The following CNBD1 variants were observed in gnomAD, a reference collection of about 807,000 sequenced individuals.
The protein encoded by CNBD1 is cyclic nucleotide binding domain containing 1, also known as cyclic nucleotide-binding domain-containing protein 1.
A neutral mutation model predicts 54.4 loss-of-function variants in CNBD1; 71 were observed. The observed-to-expected ratio is 1.30, with a 90% CI of 1.08 to 1.59. CNBD1 has a LOEUF of 1.59. Among genes scored for constraint, CNBD1 ranks in the 40% most tolerant of loss-of-function variants. The pLI is 0.00. For missense variants in CNBD1, 659 were observed against 518.0 expected (o/e 1.27, Z -2.64); for synonymous variants, 182 against 170.7 (o/e 1.07, Z -0.51).
At chr8:87,288,374 G>A (rs1808733443) in intron 8 of CNBD1, among the ~76,000 whole-genome samples, 1 of 151,798 alleles carries the variant, frequency 6.6e-6, no homozygotes, top group Non-Finnish European at 1.5e-5. Flanking sequence ...TCTCTTCCAT[G>A]CTTTTAATAA....
At chr8:87,049,113 T>A (rs1386191463) in intron 4 of CNBD1, among the ~76,000 whole-genome samples, 1 of 152,224 alleles carries the variant, frequency 6.6e-6, no homozygotes, top group Non-Finnish European at 1.5e-5. Context: ...CCCTCCCAGA[T>A]TACAGGGGTC....
chr8:87,263,344 T>A (rs1235768256), intron 6 of CNBD1, among the ~76,000 whole-genome samples: 2 of 152,166 alleles, frequency 1.3e-5, no homozygotes, highest in African/African-American at 4.8e-5. Flanking sequence ...TTTAAATGAA[T>A]TGTTTTTGCC....
chr8:87,416,042 AG>A (rs1469723892), intron 2 of CNBD1, among the ~76,000 whole-genome samples: 8 of 151,872 alleles, frequency 5.3e-5, no homozygotes, highest in African/African-American at 1.9e-4. Context: ...GGCGGAAAAA[AG>A]CTTTACTATA....
intron 8 of CNBD1, among the ~76,000 whole-genome samples, chr8:87,350,900 A>G (rs1040158878): frequency 1.3e-5 from 2 of 152,156 alleles, no homozygotes; most frequent in African/African-American, 4.8e-5. Flanking sequence ...GTTGATAGTT[A>G]CAAAGTTATA....
chr8:87,002,757 C>T (rs529383654), intron 4 of CNBD1, among the ~76,000 whole-genome samples: 1 of 151,980 alleles, frequency 6.6e-6, no homozygotes, highest in Non-Finnish European at 1.5e-5. Flanking sequence ...TTCCTTATCA[C>T]TTATTACTAA....
rs548419835 is a variant in CNBD1 at position 87,365,070 on chromosome 8, T to G, written c.1303+11284T>G. Reference sequence around the variant, plus strand: ...TTAGGTCTTTGAGGGGTTGCCACACTGCTTTCTATAATGGTTGAACCTAAT... The same window carrying G: ...TTAGGTCTTTGAGGGGTTGCCACACGGCTTTCTATAATGGTTGAACCTAAT... On this transcript the variant is annotated intron_variant, in intron 10 of 10. Transcript: ENST00000518476. 2.6e-4 allele frequency among the ~76,000 whole-genome samples: 39 copies of G among 152,218 alleles called. No individual in the cohort carries two copies. In the Middle Eastern group the frequency reaches 0.014, roughly 53 times the overall value.
At position 87,326,452 on chromosome 8, in the gene CNBD1, A is replaced by G. The variant is rs866139767; in HGVS notation, c.1043-25233A>G. The stretch of plus-strand genomic sequence containing the variant: ...ACTTTCAGGTACACCAATCAGACAT[A>G]GATTTGGTCTTTTCACATAGTCCCA... On this transcript the variant is annotated intron_variant, in intron 8 of 10. Transcript: ENST00000518476. Among the ~76,000 whole-genome samples, 437 of 126,544 alleles carry G rather than the reference A, an allele frequency of 3.5e-3. 30 individuals carry two copies. The highest frequency in any genetic ancestry group is 0.012 in the African/African-American group (404 of 34,758). The allele number at this position is 126,544 out of a possible 152,430, so 83.0% of individuals were successfully genotyped here.
chr8:86,978,320 CAAT>C (rs1808388965), intron 4 of CNBD1, among the ~76,000 whole-genome samples: 1 of 151,972 alleles, frequency 6.6e-6, no homozygotes, highest in Non-Finnish European at 1.5e-5. Flanking sequence ...AAAACAACAA[CAAT>C]ATTATTCAGA....
At position 87,239,811 on chromosome 8, in the gene CNBD1, A is replaced by AT. The variant is rs556278685; in HGVS notation, c.771+2709dup. On this transcript the variant is annotated intron_variant, in intron 6 of 10. Coordinates refer to ENST00000518476, the MANE Select transcript of CNBD1 (RefSeq NM_173538.3). ...TGCAGTATAAATGTACAGTGAAACA[A>AT]TTTTTTTTTTGCTTTTCTCAACATA... Among the ~76,000 whole-genome samples, 27 of 149,818 alleles carry AT rather than the reference A, an allele frequency of 1.8e-4. 1 individual carries two copies. Among genetic ancestry groups the AT allele is most frequent in the Middle Eastern group, 3.4e-3 (1 of 294 alleles).
At chr8:87,095,506 C>A (rs114630909) in intron 4 of CNBD1, among the ~76,000 whole-genome samples, 2,943 of 152,280 alleles carry the variant, frequency 0.019, 99 homozygotes, top group African/African-American at 0.067. Context: ...TTATTTTTTA[C>A]TCATGATTTT....
intron 4 of CNBD1, among the ~76,000 whole-genome samples, chr8:87,147,887 T>C (rs1451702899): frequency 3.0e-4 from 45 of 152,160 alleles, no homozygotes; most frequent in Admixed American, 2.9e-3. Flanking sequence ...TCTTTTACTT[T>C]CTATTTTTTA....
At chr8:87,312,197 C>T (rs984323647) in intron 8 of CNBD1, among the ~76,000 whole-genome samples, 1 of 151,960 alleles carries the variant, frequency 6.6e-6, no homozygotes, top group African/African-American at 2.4e-5. Context: ...TTCCCCTCCC[C>T]CCAAAAATAA....
At chr8:87,381,590 ATT>A in intron 10 of CNBD1, among the ~76,000 whole-genome samples, 1 of 152,060 alleles carries the variant, frequency 6.6e-6, no homozygotes, top group Admixed American at 6.6e-5. Flanking sequence ...TAATTGCAGC[ATT>A]ATGCATAATA....
chr8:87,369,074 T>A (rs1810704808), intron 10 of CNBD1, among the ~76,000 whole-genome samples: 1 of 152,072 alleles, frequency 6.6e-6, no homozygotes, highest in Non-Finnish European at 1.5e-5. Context: ...ATAATTTTTT[T>A]AATCCATTAT....
chr8:87,141,433 A>G (rs1386886164), intron 4 of CNBD1, among the ~76,000 whole-genome samples: 1 of 152,128 alleles, frequency 6.6e-6, no homozygotes, highest in East Asian at 1.9e-4. Flanking sequence ...GGTTAGTTCA[A>G]TTACTGTGCA....
At chr8:87,247,421 T>C (rs112440831) in intron 6 of CNBD1, among the ~76,000 whole-genome samples, 29 of 152,296 alleles carry the variant, frequency 1.9e-4, no homozygotes, top group African/African-American at 5.5e-4. Flanking sequence ...ATTTGAAACA[T>C]GTCAGAAATC....
chr8:87,049,453 G>A (rs1810269587), intron 4 of CNBD1, among the ~76,000 whole-genome samples: 2 of 152,170 alleles, frequency 1.3e-5, no homozygotes, highest in Admixed American at 6.5e-5. Flanking sequence ...AGCTCAGCTA[G>A]TTGAGCACTG....
chr8:87,080,227 T>C (rs921170729), intron 4 of CNBD1, among the ~76,000 whole-genome samples: 2 of 152,188 alleles, frequency 1.3e-5, no homozygotes, highest in African/African-American at 4.8e-5. Flanking sequence ...ATATGGTAAG[T>C]CTTCCACCTT....
chr8:87,331,798 T>G (rs953337885), intron 8 of CNBD1, among the ~76,000 whole-genome samples: 1 of 152,240 alleles, frequency 6.6e-6, no homozygotes, highest in Non-Finnish European at 1.5e-5. Flanking sequence ...TTGATATGCA[T>G]TTCTCTAATG....
Sources: gnomAD v4.1 joint callset for allele counts (sites outside exome capture counted in the v4.1 genomes callset) on GRCh38, gnomAD v4.1.1 for gene constraint, MANE v1.5 for transcripts, NCBI Gene and HGNC (gene_info 2026-07-23, HGNC 2026-07-21) for gene names.